LGALS2: variants seen among roughly 807,000 people sequenced by gnomAD.
The protein encoded by LGALS2 is galectin-2.
In LGALS2, 7 loss-of-function variants were observed where a neutral mutation model predicts 10.1. That is an observed-to-expected ratio of 0.70 (90% CI 0.40 to 1.31). The LOEUF (loss-of-function observed/expected upper bound fraction) is 1.31, where lower values mean the gene tolerates loss of function less well. LGALS2 is among the 50% of genes most tolerant of loss of function. The pLI is 0.01. For missense variants in LGALS2, 167 were observed against 163.6 expected, an observed-to-expected ratio of 1.02 and a Z score of -0.11; for synonymous variants, 86 against 64.2, an observed-to-expected ratio of 1.34 and a Z score of -1.63.
Position 37,570,428 on chromosome 22 carries a change from G to T in LGALS2, c.250-16C>A. The T allele has an allele frequency of 6.2e-7, 1 of 1,610,284 alleles. No homozygotes were observed. ...TCACTGTGAACTGTGGGGAGGGAGG[G>T]TGTCAAGGAGGCAGGAGGCCCTGGA... On this transcript the variant is annotated splice_polypyrimidine_tract_variant and intron_variant, in intron 3 of 3. Coordinates refer to ENST00000215886, the MANE Select transcript of LGALS2 (RefSeq NM_006498.3).
Position 37,570,614 on chromosome 22 carries a change from C to G in LGALS2, c.211G>C (p.Glu71Gln). 1 of 1,614,260 alleles carries G rather than the reference C, an allele frequency of 6.2e-7. No homozygotes were observed. The highest frequency in any genetic ancestry group is 8.5e-7 in the Non-Finnish European group (1 of 1,180,056). ...CCTGGGCTGAAGCACAGGTGATCTT[C>G]CCGTTGTTCTTGCCCCCAGTTGCTG... ...DGSNWGQEQR[E>Q]DHLCFSPGSE... The change falls in exon 3 of 4, where the codon GAA (glutamate) becomes CAA (glutamine). Residue 71 changes from glutamate to glutamine, a missense_variant. By Grantham distance (29) the Glu-to-Gln change is conservative. Coordinates refer to ENST00000215886, the MANE Select transcript of LGALS2 (RefSeq NM_006498.3).
chr22:37,574,387 A>G (rs150402837), intron 1 of LGALS2, among the ~76,000 whole-genome samples: 8 of 151,674 alleles, frequency 5.3e-5, no homozygotes, highest in Non-Finnish European at 1.0e-4. Context: ...GTGGTGGCAC[A>G]TGCCTGTCGT....
In LGALS2 at chr22:37,570,667, G is replaced by C. The variant is rs750866157; in HGVS notation, c.158C>G (p.Ser53Cys). Residue 53 changes from serine (S) to cysteine (C), a missense_variant, in exon 3 of 4, where the codon TCC (serine) becomes TGC (cysteine). Transcript: ENST00000215886. ...NLHFNPRFSE[S>C]TIVCNSLDGS... ...GTCCAATGAGTTGCAGACAATGGTGGATTCGCTGAAGCGAGGGTTGAAATG... is the reference window on the plus strand; with the variant it reads ...GTCCAATGAGTTGCAGACAATGGTGCATTCGCTGAAGCGAGGGTTGAAATG... 2.7e-5 allele frequency: 44 copies of C among 1,614,128 alleles called. 1 individual carries two copies. The South Asian group carries it at 4.8e-4, about 18-fold the overall frequency.
At chr22:37,576,218 C>T (rs895892340) in intron 1 of LGALS2, among the ~76,000 whole-genome samples, 1 of 151,902 alleles carries the variant, frequency 6.6e-6, no homozygotes, top group Non-Finnish European at 1.5e-5. Context: ...TTTGGGAGGC[C>T]GAGGGGGGCG....
intron 2 of LGALS2, 124 bp from the exon 3 acceptor site, chr22:37,570,859 C>G (rs1460890551): frequency 5.5e-6 from 6 of 1,093,988 alleles, no homozygotes; most frequent in Non-Finnish European, 8.2e-6. Context: ...AGATCTGTGC[C>G]TTAAAACAAG....
chr22:37,572,066 C>A, intron 1 of LGALS2, 135 bp from the exon 2 acceptor site: 2 of 707,822 alleles, frequency 2.8e-6, no homozygotes, highest in South Asian at 3.3e-5. Context: ...CGCAGGAGAC[C>A]ACCAAGCTGG....
At chr22:37,573,729 T>G (rs1263108445) in intron 1 of LGALS2, among the ~76,000 whole-genome samples, 2 of 93,024 alleles carry the variant, frequency 2.1e-5, no homozygotes, top group Admixed American at 2.1e-4. Context: ...TTTCTTTTTT[T>G]GTTTTTTTTT....
Position 37,570,297 on chromosome 22 carries a change from C to T in LGALS2, c.365G>A (p.Gly122Glu), listed in dbSNP as rs1399657927. ...SHLSYLSVRG[G>E]FNMSSFKLKE ...TAACTTGAAAGAGGACATGTTGAAC[C>T]CGCCCCTTACGCTCAGGTAGCTCAG... The change falls in exon 4 of 4, where the codon GGG becomes GAG. Residue 122 changes from glycine to glutamate, a missense_variant. By Grantham distance (98) the Gly-to-Glu change is moderately conservative. Coordinates refer to ENST00000215886, the MANE Select transcript of LGALS2 (RefSeq NM_006498.3). The T allele has an allele frequency of 1.2e-6, 2 of 1,611,936 alleles. No homozygotes were observed. The highest frequency in any genetic ancestry group is 1.7e-6 in the Non-Finnish European group (2 of 1,178,156).
chr22:37,574,317 A>C (rs1925598818), intron 1 of LGALS2, among the ~76,000 whole-genome samples: 1 of 151,906 alleles, frequency 6.6e-6, no homozygotes, highest in African/African-American at 2.4e-5. Context: ...GGAGTTTGAG[A>C]CTGGCCTGGC....
chr22:37,570,341 G>A lies in LGALS2; in HGVS notation c.321C>T (p.Asn107=). The A allele has an allele frequency of 1.2e-6, 2 of 1,614,164 alleles. No individual in the cohort carries two copies. Among genetic ancestry groups the A allele is most frequent in the South Asian group, 2.2e-5 (2 of 91,090 alleles). Residue 107 remains asparagine (N), a synonymous_variant, in exon 4 of 4, where the codon AAC becomes AAT. Transcript: ENST00000215886. ...AGCTCAGGTGGCTGTGACCCAGCCT[G>A]TTGGGAAAAGTCAGCTCGTGCCCAT... ...LPDGHELTFP[N]RLGHSHLSYL...
chr22:37,573,291 G>T lies in LGALS2; in HGVS notation c.7-1360C>A, dbSNP rs950552147. Reference sequence around the variant, plus strand: ...GTCTCAAAAACAAAAACAAACAAACGAACAAAAACTAAGAATCTATAAAAC... The same window carrying T: ...GTCTCAAAAACAAAAACAAACAAACTAACAAAAACTAAGAATCTATAAAAC... On this transcript the variant is annotated intron_variant, in intron 1 of 3. Coordinates refer to ENST00000215886, the MANE Select transcript of LGALS2 (RefSeq NM_006498.3). Among the ~76,000 whole-genome samples the T allele has an allele frequency of 2.6e-5, 4 of 151,598 alleles. No individual in the cohort carries two copies. In the South Asian group the frequency reaches 6.2e-4, roughly 24 times the overall value.
At chr22:37,574,438 C>T (rs561868351) in intron 1 of LGALS2, among the ~76,000 whole-genome samples, 6 of 150,108 alleles carry the variant, frequency 4.0e-5, no homozygotes, top group Non-Finnish European at 7.4e-5. Context: ...ATCGCTTGAA[C>T]CCAGGAGGTG....
rs559111280 is a variant in LGALS2, at chr22:37,575,075, G to A, written c.7-3144C>T. 3.3e-5 allele frequency among the ~76,000 whole-genome samples: 5 copies of A among 151,902 alleles called. No individual in the cohort carries two copies. In the East Asian group the frequency reaches 9.7e-4, roughly 29 times the overall value. On this transcript the variant is annotated intron_variant, in intron 1 of 3. Transcript: ENST00000215886. ...TTTTCTTTGTATTTTTAGTAGAGAC[G>A]GGGTTTCACCACTTTGGCCAGGTTG...
At chr22:37,577,644 G>A (rs1250024365) in intron 1 of LGALS2, among the ~76,000 whole-genome samples, 2 of 151,906 alleles carry the variant, frequency 1.3e-5, no homozygotes, top group East Asian at 3.9e-4. Context: ...CTCCCAAAGT[G>A]CTGGGATTAC....
At position 37,573,770 on chromosome 22, in the gene LGALS2, G is replaced by A. The variant is rs572305910; in HGVS notation, c.7-1839C>T. Among the ~76,000 whole-genome samples the A allele has an allele frequency of 2.1e-4, 31 of 150,382 alleles. 2 individuals carry two copies. Among genetic ancestry groups the A allele is most frequent in the Admixed American group, 8.0e-4 (12 of 15,074 alleles). ...TTTTTGAGCAGAGTCTTGCTTTGTC[G>A]CCCAGGCTGGAGTGCAACGGTGCGA... On this transcript the variant is annotated intron_variant, in intron 1 of 3. Transcript: ENST00000215886.
At position 37,570,642 on chromosome 22, in the gene LGALS2, G is replaced by A. The variant is rs115686288; in HGVS notation, c.183C>T (p.Asp61=). The change falls in exon 3 of 4, where the codon GAC becomes GAT. Residue 61 remains aspartate (D), a synonymous_variant. Transcript: ENST00000215886. ...GTTGTTCTTGCCCCCAGTTGCTGCC[G>A]TCCAATGAGTTGCAGACAATGGTGG... ...SESTIVCNSL[D]GSNWGQEQRE... 0.011 allele frequency: 17,957 copies of A among 1,614,216 alleles called. 204 individuals carry two copies. Among genetic ancestry groups the A allele is most frequent in the South Asian group, 0.041 (3,770 of 91,090 alleles).
intron 2 of LGALS2, 148 bp downstream of exon 2, chr22:37,571,701 A>G: frequency 6.2e-6 from 4 of 645,164 alleles, no homozygotes; most frequent in Middle Eastern, 4.2e-4. Context: ...AGTGGGGGCC[A>G]GCAGGGGTGT....
intron 2 of LGALS2, 67 bp downstream of exon 2, chr22:37,571,782 C>T: frequency 2.2e-6 from 3 of 1,334,198 alleles, no homozygotes; most frequent in Non-Finnish European, 3.2e-6. Context: ...CAGGGCTGCC[C>T]TGCCTGCCCC....
intron 1 of LGALS2, among the ~76,000 whole-genome samples, chr22:37,577,801 A>G (rs1301016510): frequency 1.3e-5 from 2 of 152,210 alleles, no homozygotes; most frequent in East Asian, 1.9e-4. Context: ...AGAAATATAG[A>G]CACAGAGACG....
Sources: gnomAD v4.1 joint callset for allele counts (sites outside exome capture counted in the v4.1 genomes callset) on GRCh38, gnomAD v4.1.1 for gene constraint, MANE v1.5 for transcripts, NCBI Gene and HGNC (gene_info 2026-07-23, HGNC 2026-07-21) for gene names.